Variants in BBS9 observed in about 807,000 individuals in gnomAD.
BBS9 encodes the protein protein PTHB1.
BBS9 carries 89 observed loss-of-function variants against 117.7 expected under a neutral mutation model. The ratio of observed to expected loss-of-function variants is 0.76; its 90% CI spans 0.64 to 0.90. The LOEUF is 0.90. Ranked by LOEUF, BBS9 falls within the 40% of genes least tolerant of loss-of-function variation. BBS9 has a pLI of 0.00. For synonymous variants in BBS9, 379 were observed against 370.9 expected (o/e 1.02, Z -0.25); for missense variants, 982 against 1,042.2 (o/e 0.94, Z 0.80).
At chr7:33,220,290 G>A (rs544130771) in intron 5 of BBS9, among the ~76,000 whole-genome samples, 1 of 152,282 alleles carries the variant, frequency 6.6e-6, no homozygotes, top group African/African-American at 2.4e-5. Flanking sequence ...AAATATCATG[G>A]CATAGTTAAA....
intron 21 of BBS9, among the ~76,000 whole-genome samples, chr7:33,622,071 G>A (rs1865435569): frequency 2.0e-5 from 3 of 152,106 alleles, no homozygotes; most frequent in Non-Finnish European, 4.4e-5. Context: ...TTAGCTGAGT[G>A]TGGTGGCACG....
intron 5 of BBS9, among the ~76,000 whole-genome samples, chr7:33,243,851 A>G (rs577830944): frequency 4.3e-4 from 65 of 152,188 alleles, no homozygotes; most frequent in African/African-American, 1.5e-3. Context: ...TAGTGATGAC[A>G]TTTTTTACTT....
At chr7:33,209,130 T>C (rs1787534749) in intron 5 of BBS9, among the ~76,000 whole-genome samples, 2 of 152,310 alleles carry the variant, frequency 1.3e-5, no homozygotes, top group African/African-American at 4.8e-5. Context: ...TAATCATCTT[T>C]CTTTATCTCC....
chr7:33,512,796 C>A (rs113719096), intron 20 of BBS9, among the ~76,000 whole-genome samples: 17 of 152,320 alleles, frequency 1.1e-4, no homozygotes, highest in African/African-American at 4.1e-4. Flanking sequence ...TCTGTGTCTC[C>A]CTGAATCTCC....
rs184994140 is a variant in BBS9 at position 33,146,271 on chromosome 7, C to A, written c.19C>A (p.Arg7Ser). MSLFKA[R>S]DWWSTILGDK... ...AAAGAAAATGTCTTTATTTAAAGCC[C>A]GTGATTGGTGGTCTACTATTCTGGG... The change falls in exon 2 of 23, where the codon CGT becomes AGT. Residue 7 changes from arginine (R) to serine (S), a missense_variant. Arg to Ser is a moderately radical substitution (Grantham distance 110). Transcript: ENST00000242067. 23 of 1,613,228 alleles carry A rather than the reference C, an allele frequency of 1.4e-5. No individual in the cohort carries two copies. The East Asian group carries it at 4.9e-4, about 34-fold the overall frequency.
intron 21 of BBS9, among the ~76,000 whole-genome samples, chr7:33,632,715 G>A (rs1865952345): frequency 6.6e-6 from 1 of 152,068 alleles, no homozygotes; most frequent in Admixed American, 6.5e-5. Context: ...AGTAAAGGAA[G>A]ACAATGACTA....
At chr7:33,181,805 C>T (rs544069811) in intron 5 of BBS9, among the ~76,000 whole-genome samples, 10 of 152,210 alleles carry the variant, frequency 6.6e-5, no homozygotes, top group South Asian at 4.1e-4. Flanking sequence ...AATCCTTGGC[C>T]GGGCGTGGTG....
rs780682148 is a variant in BBS9, at chr7:33,534,112, A to G, written c.2457A>G (p.Leu819=). The change falls in exon 21 of 23, where the codon TTA becomes TTG. Residue 819 remains leucine (L), a synonymous_variant. Transcript: ENST00000242067. ...KKHITLLCDR[L]SKGGRLCLST... is the part of the protein sequence containing the mutation. The stretch of plus-strand genomic sequence containing the variant: ...ATATCACCTTGCTCTGCGATAGATT[A>G]TCCAAAGGTGGCCGTCTCTGCCTAA... 1.2e-6 allele frequency: 2 copies of G among 1,614,208 alleles called. No individual in the cohort carries two copies. The highest frequency in any genetic ancestry group is 1.7e-6 in the Non-Finnish European group (2 of 1,180,042).
At chr7:33,560,165 T>A (rs1855882607) in intron 21 of BBS9, among the ~76,000 whole-genome samples, 1 of 152,118 alleles carries the variant, frequency 6.6e-6, no homozygotes, top group South Asian at 2.1e-4. Flanking sequence ...CCCCTAGCGC[T>A]TAACATAGAG....
chr7:33,404,039 T>G (rs933571652), intron 19 of BBS9, among the ~76,000 whole-genome samples: 1 of 152,178 alleles, frequency 6.6e-6, no homozygotes, highest in African/African-American at 2.4e-5. Context: ...CTCATTGTGG[T>G]TTTGTTTGAG....
At chr7:33,530,988 C>T (rs542054408) in intron 20 of BBS9, among the ~76,000 whole-genome samples, 24 of 152,074 alleles carry the variant, frequency 1.6e-4, no homozygotes, top group Non-Finnish European at 3.5e-4. Flanking sequence ...CTCATGCCTG[C>T]AATCCTAGCA....
chr7:33,467,254 T>G (rs1277401962), intron 19 of BBS9, among the ~76,000 whole-genome samples: 1 of 152,112 alleles, frequency 6.6e-6, no homozygotes, highest in Non-Finnish European at 1.5e-5. Flanking sequence ...GTTACTGATA[T>G]TACCAAAACA....
intron 9 of BBS9, among the ~76,000 whole-genome samples, chr7:33,325,935 A>T (rs1056692371): frequency 1.3e-5 from 2 of 152,112 alleles, no homozygotes; most frequent in African/African-American, 4.8e-5. Flanking sequence ...GCTGGGTAAG[A>T]GCTGAATCCA....
At chr7:33,498,099 T>A (rs1248346916) in intron 19 of BBS9, among the ~76,000 whole-genome samples, 6 of 152,168 alleles carry the variant, frequency 3.9e-5, no homozygotes, top group Non-Finnish European at 8.8e-5. Flanking sequence ...GGAGGTAAGG[T>A]AACTAGCCAA....
chr7:33,281,366 C>CTTTTTTT (rs397890694), intron 9 of BBS9, among the ~76,000 whole-genome samples: 2 of 43,852 alleles, frequency 4.6e-5, no homozygotes, highest in African/African-American at 9.5e-5. Flanking sequence ...TGGTCTATGC[C>CTTTTTTT]TTTTTTTTTT....
chr7:33,266,351 T>C (rs898245281), intron 7 of BBS9, among the ~76,000 whole-genome samples: 6 of 152,190 alleles, frequency 3.9e-5, no homozygotes, highest in African/African-American at 1.4e-4. Context: ...AATAAGATAG[T>C]TGTGGGAAGT....
At chr7:33,369,819 G>A (rs779383723) in intron 17 of BBS9, among the ~76,000 whole-genome samples, 17 of 152,074 alleles carry the variant, frequency 1.1e-4, no homozygotes, top group Admixed American at 2.6e-4. Flanking sequence ...TTTTTTGAAA[G>A]GTACCTAGTA....
At chr7:33,425,936 A>G (rs1833595280) in intron 19 of BBS9, among the ~76,000 whole-genome samples, 1 of 152,242 alleles carries the variant, frequency 6.6e-6, no homozygotes, top group Non-Finnish European at 1.5e-5. Context: ...TTAGTTCTAA[A>G]CAAATGTGGA....
At chr7:33,459,610 T>C (rs574862169) in intron 19 of BBS9, among the ~76,000 whole-genome samples, 4 of 152,162 alleles carry the variant, frequency 2.6e-5, no homozygotes, top group Admixed American at 1.3e-4. Flanking sequence ...GCCTTTGCAC[T>C]GAAAATGAGT....
Sources: allele counts gnomAD v4.1 joint callset (sites outside exome capture counted in the v4.1 genomes callset), GRCh38; gene constraint gnomAD v4.1.1; transcripts MANE v1.5; gene names NCBI Gene and HGNC (gene_info 2026-07-23, HGNC 2026-07-21).